KLC1: variants seen among roughly 807,000 people sequenced by gnomAD.
KLC1 encodes the protein kinesin light chain 1.
Under a neutral mutation model 84.2 loss-of-function variants are expected in KLC1, and 30 were observed. The observed-to-expected ratio is 0.36, with a 90% CI of 0.27 to 0.48. The LOEUF is 0.48. KLC1 is among the 20% of genes least tolerant of loss of function. KLC1 has a pLI of 0.99. For missense variants in KLC1, 499 were observed against 805.4 expected, an observed-to-expected ratio of 0.62 and a Z score of 4.60; for synonymous variants, 289 against 293.3, an observed-to-expected ratio of 0.99 and a Z score of 0.15.
At chr14:103,677,881 C>A (rs922210125) in intron 12 of KLC1, among the ~76,000 whole-genome samples, 1 of 151,688 alleles carries the variant, frequency 6.6e-6, no homozygotes, top group Non-Finnish European at 1.5e-5. Flanking sequence ...ACAGGAGAAT[C>A]GCTTGAACCT....
At chr14:103,640,443 C>T (rs2151333645) in intron 1 of KLC1, among the ~76,000 whole-genome samples, 1 of 152,012 alleles carries the variant, frequency 6.6e-6, no homozygotes, top group Middle Eastern at 3.4e-3. Flanking sequence ...TCACTGCAAG[C>T]GTCACCTCCC....
chr14:103,680,931 A>G (rs1399725739), intron 13 of KLC1, among the ~76,000 whole-genome samples: 1 of 152,220 alleles, frequency 6.6e-6, no homozygotes, highest in African/African-American at 2.4e-5. Context: ...GTGACGATTC[A>G]GAGCTCTGTT....
At chr14:103,649,764 C>T (rs1401232931) in intron 1 of KLC1, among the ~76,000 whole-genome samples, 5 of 151,200 alleles carry the variant, frequency 3.3e-5, no homozygotes, top group Non-Finnish European at 7.4e-5. Context: ...GGCGCCATCT[C>T]GGCTCACTGC....
rs528416974 is a variant in KLC1, at chr14:103,642,182, G to A, written c.-1-12382G>A. On this transcript the variant is annotated intron_variant, in intron 1 of 16. Coordinates refer to ENST00000334553, the MANE Select transcript of KLC1 (RefSeq NM_001394837.1). ...TGATTTCAGGTGATTCACCCACCTC[G>A]GCCTCCCAGAGTGCTGGGATTACAG... is the stretch of plus-strand genomic sequence containing the variant. Among the ~76,000 whole-genome samples, 6 of 152,102 alleles carry A rather than the reference G, an allele frequency of 3.9e-5. No individual in the cohort carries two copies. The East Asian group carries it at 1.2e-3, about 29-fold the overall frequency.
intron 12 of KLC1, 23 bp from the exon 13 acceptor site, chr14:103,679,361 A>G (rs2081178920): frequency 3.7e-6 from 6 of 1,610,636 alleles, no homozygotes; most frequent in Non-Finnish European, 4.2e-6. Flanking sequence ...GGGTCAAACC[A>G]TTTTCCCCTG....
intron 6 of KLC1, 113 bp downstream of exon 6, chr14:103,669,711 T>C (rs758528820): frequency 5.6e-4 from 413 of 742,030 alleles, no homozygotes; most frequent in Non-Finnish European, 7.8e-4. Flanking sequence ...TGCTGCCTTT[T>C]CCCTAGATGG....
intron 9 of KLC1, 21 bp from the exon 10 acceptor site, chr14:103,675,531 A>G (rs2080808511): frequency 1.2e-6 from 2 of 1,607,018 alleles, no homozygotes; most frequent in Non-Finnish European, 1.7e-6. Flanking sequence ...CTCAACCTGT[A>G]TGCTGTGTTT....
At chr14:103,675,797 A>T (rs373753931) in intron 11 of KLC1, 41 bp downstream of exon 11, 44 of 1,544,794 alleles carry the variant, frequency 2.8e-5, no homozygotes, top group Non-Finnish European at 3.7e-5. Context: ...ACCAAAAAGC[A>T]GGGGGAAGGT....
intron 3 of KLC1, among the ~76,000 whole-genome samples, chr14:103,658,211 C>T (rs1478807941): frequency 6.6e-6 from 1 of 152,220 alleles, no homozygotes; most frequent in East Asian, 1.9e-4. Context: ...CTTGGCTTCC[C>T]TTGCCAGCTT....
chr14:103,666,265 A>G (rs12894639), intron 5 of KLC1, among the ~76,000 whole-genome samples: 2,294 of 151,850 alleles, frequency 0.015, 23 homozygotes, highest in East Asian at 0.022. Flanking sequence ...GAGTTTCACC[A>G]TGTTAGCCAG....
intron 1 of KLC1, among the ~76,000 whole-genome samples, chr14:103,638,936 G>A (rs918047001): frequency 2.6e-5 from 4 of 152,018 alleles, no homozygotes; most frequent in African/African-American, 9.7e-5. Flanking sequence ...CAGAGTGGTA[G>A]GGTTCCTGAA....
chr14:103,693,156 G>GC lies in KLC1; in HGVS notation c.1848+734dup, dbSNP rs946317064. Reference sequence around the variant, plus strand: ...GAGTTCGCGACAGTGGCCAGGCACTGCCCTCCCAGTTGTCCAGATCCACTA... The same window carrying GC: ...GAGTTCGCGACAGTGGCCAGGCACTGCCCCTCCCAGTTGTCCAGATCCACTA... On this transcript the variant is annotated intron_variant, in intron 15 of 16. Coordinates refer to ENST00000334553, the MANE Select transcript of KLC1 (RefSeq NM_001394837.1). The surrounding 1 kb of genome is among the most constrained non-coding windows in gnomAD (Gnocchi z 5.1). 3.9e-5 allele frequency among the ~76,000 whole-genome samples: 6 copies of GC among 152,164 alleles called. No homozygotes were observed. Among genetic ancestry groups the GC allele is most frequent in the African/African-American group, 1.4e-4 (6 of 41,416 alleles).
At chr14:103,678,624 A>AG (rs1310402106) in intron 12 of KLC1, among the ~76,000 whole-genome samples, 1 of 151,688 alleles carries the variant, frequency 6.6e-6, no homozygotes, top group African/African-American at 2.4e-5. Flanking sequence ...CGGGAGCTGG[A>AG]GGTTGCAGTG....
At chr14:103,686,907 T>A in intron 13 of KLC1, 174 bp from the exon 14 acceptor site, 2 of 317,566 alleles carry the variant, frequency 6.3e-6, no homozygotes. Flanking sequence ...GAACAATTTC[T>A]AGTTAAAGTA....
chr14:103,692,975 C>T (rs1010390913), intron 15 of KLC1, among the ~76,000 whole-genome samples: 4 of 152,184 alleles, frequency 2.6e-5, no homozygotes, highest in Admixed American at 1.3e-4. Context: ...TCACGGAGGC[C>T]GTTTGAGTTT....
intron 9 of KLC1, among the ~76,000 whole-genome samples, chr14:103,674,854 C>T (rs956590601): frequency 2.0e-5 from 3 of 152,192 alleles, no homozygotes; most frequent in African/African-American, 7.2e-5. Flanking sequence ...AAATTACATT[C>T]CAGGGCCCTA....
intron 2 of KLC1, among the ~76,000 whole-genome samples, chr14:103,656,048 C>T (rs1488133794): frequency 2.0e-5 from 3 of 152,254 alleles, no homozygotes; most frequent in Non-Finnish European, 4.4e-5. Context: ...ATCTGCCACA[C>T]TGCACCTTGG....
At chr14:103,698,743 C>T (rs957089512) in intron 15 of KLC1, 61 of 1,503,654 alleles carry the variant, frequency 4.1e-5, no homozygotes, top group Middle Eastern at 4.5e-4. Context: ...TTTAAAGGCC[C>T]GAGCCCCGTG....
chr14:103,635,127 T>TG (rs991763274), intron 1 of KLC1, among the ~76,000 whole-genome samples: 6 of 152,250 alleles, frequency 3.9e-5, no homozygotes, highest in African/African-American at 1.4e-4. Context: ...GCAACGGATA[T>TG]GGAGCAAACA....
Sources: allele counts gnomAD v4.1 joint callset (sites outside exome capture counted in the v4.1 genomes callset), GRCh38; gene constraint gnomAD v4.1.1; non-coding constraint Gnocchi (gnomAD v3.1); transcripts MANE v1.5; gene names NCBI Gene and HGNC (gene_info 2026-07-23, HGNC 2026-07-21).